The following POF1B variants were observed in gnomAD, a reference collection of about 807,000 sequenced individuals.
POF1B encodes the protein POF1B actin binding protein.
A neutral mutation model predicts 55.3 loss-of-function variants in POF1B; 53 were observed. That is an observed-to-expected ratio of 0.96 (90% CI 0.77 to 1.20). The LOEUF (loss-of-function observed/expected upper bound fraction) is 1.20. Ranked by LOEUF, POF1B falls within the 50% of genes most tolerant of loss-of-function variation. The probability of loss-of-function intolerance (pLI) is 0.00; values close to 1 mark genes in which losing one functional copy is unlikely to be tolerated. For missense variants in POF1B, 478 were observed against 420.5 expected (o/e 1.14, Z -1.20); for synonymous variants, 188 against 148.3 (o/e 1.27, Z -1.95).
At chrX:85,299,434 G>T (rs1334945972) in intron 15 of POF1B, among the ~76,000 whole-genome samples, 5 of 105,617 alleles carry the variant, frequency 4.7e-5, no homozygotes, top group Non-Finnish European at 7.7e-5. Context: ...GACTACAGGC[G>T]CCCGCTACCA....
At chrX:85,353,300 T>C (rs962035076) in intron 4 of POF1B, among the ~76,000 whole-genome samples, 3 of 111,194 alleles carry the variant, frequency 2.7e-5, no homozygotes, top group African/African-American at 9.8e-5. Flanking sequence ...AGCTTGGTTC[T>C]TCAAGCAGTG....
At chrX:85,308,059 C>T (rs1603034818) in intron 10 of POF1B, 65 bp downstream of exon 10, 2 of 679,444 alleles carry the variant, frequency 2.9e-6, no homozygotes, top group East Asian at 7.1e-5. Context: ...TACTGGACAT[C>T]TTTATTTCTG....
intron 5 of POF1B, among the ~76,000 whole-genome samples, chrX:85,350,279 C>T (rs375943075): frequency 9.3e-6 from 1 of 107,036 alleles, no homozygotes; most frequent in African/African-American, 3.4e-5. Context: ...TGAGAATATG[C>T]GGTGTTTGGT....
rs998162230 is a variant in POF1B at position 85,357,685 on chromosome X, T to C, written c.438+1865A>G. Among the ~76,000 whole-genome samples the C allele has an allele frequency of 6.3e-5, 7 of 110,913 alleles. No homozygotes were observed. The Admixed American group carries it at 6.8e-4, about 11-fold the overall frequency. ...ATCCCTCTCTGATAACCCCTCTGTC[T>C]GTGAAAGTGGTTCCTTCCTTCTATT... On this transcript the variant is annotated intron_variant, in intron 4 of 16. Coordinates refer to ENST00000262753, the MANE Select transcript of POF1B (RefSeq NM_024921.4).
At chrX:85,379,089 T>C (rs936728800) in intron 2 of POF1B, 84 bp downstream of exon 2, 1 of 1,052,184 alleles carries the variant, frequency 9.5e-7, no homozygotes, top group Middle Eastern at 2.7e-4. Flanking sequence ...TCCTGTGGAA[T>C]AGAGGCAAAG....
intron 6 of POF1B, among the ~76,000 whole-genome samples, chrX:85,343,359 T>A (rs1437953270): frequency 9.0e-6 from 1 of 110,839 alleles, no homozygotes; most frequent in East Asian, 2.9e-4. Flanking sequence ...AGACAACATG[T>A]AATCTAGTCA....
chrX:85,322,410 G>T (rs1337981859), intron 7 of POF1B, among the ~76,000 whole-genome samples: 1 of 111,296 alleles, frequency 9.0e-6, no homozygotes, highest in Non-Finnish European at 1.9e-5. Context: ...GCTGAAACTG[G>T]ATCCCTTCCT....
rs754887799 is a variant in POF1B, at chrX:85,361,804, T to C, written c.358-2174A>G. ...TGAATCTATAAATTGCTTTGGGCAG[T>C]ATGGTGATTTTAACAATATTGATTC... On this transcript the variant is annotated intron_variant, in intron 3 of 16. Coordinates refer to ENST00000262753, the MANE Select transcript of POF1B (RefSeq NM_024921.4). 8.9e-5 allele frequency among the ~76,000 whole-genome samples: 10 copies of C among 111,802 alleles called. No homozygotes were observed. The South Asian group carries it at 3.7e-3, about 42-fold the overall frequency.
At chrX:85,344,085 C>G (rs536427913) in intron 6 of POF1B, among the ~76,000 whole-genome samples, 2 of 111,116 alleles carry the variant, frequency 1.8e-5, no homozygotes, top group East Asian at 5.7e-4. Context: ...GCAACCTTCA[C>G]TCACCCTCCA....
In POF1B at chrX:85,331,093, C is replaced by T. The variant is rs752285626; in HGVS notation, c.724-14G>A. ...CTGAATTATCACCTGAAGCAAACAT[C>T]AATCACAATTGTAAGCAATATTAAG... On this transcript the variant is annotated splice_polypyrimidine_tract_variant and intron_variant, in intron 6 of 16. Coordinates refer to ENST00000262753, the MANE Select transcript of POF1B (RefSeq NM_024921.4). 8.4e-7 allele frequency: 1 copy of T among 1,189,994 alleles called. No homozygotes were observed. Among genetic ancestry groups the T allele is most frequent in the African/African-American group, 1.8e-5 (1 of 56,465 alleles).
intron 4 of POF1B, among the ~76,000 whole-genome samples, chrX:85,359,042 CT>C (rs1354497981): frequency 9.0e-6 from 1 of 110,832 alleles, no homozygotes; most frequent in African/African-American, 3.3e-5. Context: ...ATGTAATTTT[CT>C]AAAAAACTCA....
At chrX:85,355,568 G>A (rs1404455254) in intron 4 of POF1B, among the ~76,000 whole-genome samples, 5 of 111,339 alleles carry the variant, frequency 4.5e-5, no homozygotes, top group African/African-American at 1.6e-4. Context: ...ATCTGACAAA[G>A]GGCTAATATC....
At chrX:85,341,931 C>T (rs775808533) in intron 6 of POF1B, among the ~76,000 whole-genome samples, 6 of 111,117 alleles carry the variant, frequency 5.4e-5, no homozygotes, top group Non-Finnish European at 1.1e-4. Context: ...TTACATCTTC[C>T]CATGACTACA....
intron 9 of POF1B, among the ~76,000 whole-genome samples, chrX:85,312,926 T>G (rs887453713): frequency 8.9e-6 from 1 of 111,759 alleles, no homozygotes; most frequent in Non-Finnish European, 1.9e-5. Flanking sequence ...TATTTTATTC[T>G]CTTTGTAGCA....
intron 1 of POF1B, 35 bp downstream of exon 1, chrX:85,379,604 T>C: frequency 3.5e-6 from 2 of 567,222 alleles, no homozygotes; most frequent in Middle Eastern, 5.5e-4. Context: ...TCAAAACCTC[T>C]GCCAATAGTG....
intron 7 of POF1B, among the ~76,000 whole-genome samples, chrX:85,321,974 T>A (rs1176804687): frequency 9.0e-6 from 1 of 110,575 alleles, no homozygotes; most frequent in Admixed American, 9.6e-5. Flanking sequence ...ACATTCCATG[T>A]TCATGGGTAG....
chrX:85,370,940 AT>A (rs1243595896), intron 2 of POF1B, among the ~76,000 whole-genome samples: 2 of 111,917 alleles, frequency 1.8e-5, no homozygotes, highest in Non-Finnish European at 3.8e-5. Context: ...TGTTGAAACT[AT>A]TAAATTCAAT....
intron 15 of POF1B, among the ~76,000 whole-genome samples, chrX:85,292,010 T>G (rs1376390196): frequency 9.0e-6 from 1 of 111,258 alleles, no homozygotes; most frequent in Non-Finnish European, 1.9e-5. Flanking sequence ...CCTTTTCTTG[T>G]GCTGGTTTTC....
At position 85,359,598 on chromosome X, in the gene POF1B, T is replaced by C. The variant is rs777724276; in HGVS notation, c.390A>G (p.Thr130=). The C allele has an allele frequency of 2.3e-5, 28 of 1,202,079 alleles. No individual in the cohort carries two copies. Among genetic ancestry groups the C allele is most frequent in the East Asian group, 3.0e-5 (1 of 33,559 alleles). ...ATTTCCTAATAGTGGTCTGTGGATA[T>C]GTAGTAAGTTTCACTGTTGGAGAAT... ...ELHSPTVKLT[T]YPQTTIRKYV... The change falls in exon 4 of 17, where the codon ACA becomes ACG. Residue 130 remains threonine, a synonymous_variant. Transcript: ENST00000262753.
Sources: allele counts gnomAD v4.1 joint callset (sites outside exome capture counted in the v4.1 genomes callset), GRCh38; gene constraint gnomAD v4.1.1; transcripts MANE v1.5; gene names NCBI Gene and HGNC (gene_info 2026-07-23, HGNC 2026-07-21).